Variants in XYLT1 observed in about 807,000 individuals in gnomAD.
XYLT1 encodes beta-D-xylosyltransferase 1.
A neutral mutation model predicts 91.3 loss-of-function variants in XYLT1; 36 were observed. The ratio of observed to expected loss-of-function variants is 0.39; its 90% CI spans 0.30 to 0.52. The LOEUF (loss-of-function observed/expected upper bound fraction) is 0.52. XYLT1 is among the 20% of genes least tolerant of loss of function. The pLI is 0.68. For missense variants in XYLT1, 1,242 were observed against 1,284.5 expected (o/e 0.97, Z 0.51); for synonymous variants, 588 against 532.0 (o/e 1.11, Z -1.45).
intron 2 of XYLT1, among the ~76,000 whole-genome samples, chr16:17,357,183 A>C (rs1391454108): frequency 9.5e-4 from 117 of 123,432 alleles, no homozygotes; most frequent in Middle Eastern, 4.2e-3. Context: ...AAAAAAAAAA[A>C]AAAAAAAAAA....
At chr16:17,367,377 C>A (rs1308663392) in intron 1 of XYLT1, among the ~76,000 whole-genome samples, 1 of 152,224 alleles carries the variant, frequency 6.6e-6, no homozygotes, top group Non-Finnish European at 1.5e-5. Context: ...GAACACACAT[C>A]CTCCTGGAGC....
chr16:17,456,220 A>G (rs1185827593), intron 1 of XYLT1, among the ~76,000 whole-genome samples: 1 of 151,390 alleles, frequency 6.6e-6, no homozygotes, highest in African/African-American at 2.4e-5. Flanking sequence ...TTTTTTTTAC[A>G]GGCAATAAGT....
intron 6 of XYLT1, among the ~76,000 whole-genome samples, chr16:17,141,912 T>C (rs1220856742): frequency 6.6e-6 from 1 of 152,202 alleles, no homozygotes; most frequent in Non-Finnish European, 1.5e-5. Context: ...TTTTAAAATT[T>C]TTATTTTTTG....
intron 2 of XYLT1, among the ~76,000 whole-genome samples, chr16:17,278,939 G>A (rs904654781): frequency 2.0e-5 from 3 of 152,166 alleles, no homozygotes; most frequent in Non-Finnish European, 4.4e-5. Context: ...GGCTGACTGT[G>A]AACATTTCCT....
chr16:17,129,177 A>G (rs938794746), intron 9 of XYLT1, among the ~76,000 whole-genome samples: 26 of 152,040 alleles, frequency 1.7e-4, no homozygotes, highest in Non-Finnish European at 3.2e-4. Flanking sequence ...GGGAGTGGAA[A>G]GTCCAGCGAC....
chr16:17,376,727 T>A (rs2035605792), intron 1 of XYLT1, among the ~76,000 whole-genome samples: 1 of 147,778 alleles, frequency 6.8e-6, no homozygotes, highest in Non-Finnish European at 1.5e-5. Context: ...CTTAGAAAGC[T>A]GAGGCAGGAG....
intron 2 of XYLT1, among the ~76,000 whole-genome samples, chr16:17,278,349 T>C (rs1411180414): frequency 6.6e-6 from 1 of 152,252 alleles, no homozygotes; most frequent in Non-Finnish European, 1.5e-5. Context: ...ACCTTGATAC[T>C]GAAGCCGGGC....
At chr16:17,143,003 G>C (rs8051207) in intron 6 of XYLT1, among the ~76,000 whole-genome samples, 138,178 of 152,172 alleles carry the variant, frequency 0.91, 62,846 homozygotes, top group East Asian at 0.96. Flanking sequence ...AACTCCTACT[G>C]TAGTAACTAT....
chr16:17,300,813 A>G (rs533425215), intron 2 of XYLT1, among the ~76,000 whole-genome samples: 77 of 152,186 alleles, frequency 5.1e-4, no homozygotes, highest in African/African-American at 1.8e-3. Context: ...AACCAGAACA[A>G]TCGATGAGCT....
chr16:17,177,633 A>T (rs2031974050), intron 5 of XYLT1, among the ~76,000 whole-genome samples: 1 of 152,220 alleles, frequency 6.6e-6, no homozygotes. Context: ...ATAGTTCATT[A>T]AAATGTATTT....
chr16:17,407,595 CTT>C (rs2036050712), intron 1 of XYLT1, among the ~76,000 whole-genome samples: 1 of 152,210 alleles, frequency 6.6e-6, no homozygotes, highest in South Asian at 2.1e-4. Context: ...CACTCAGTCT[CTT>C]TGTTTATTTC....
intron 1 of XYLT1, chr16:17,403,636 C>T (rs1339333572): frequency 2.0e-5 from 3 of 152,112 alleles, no homozygotes; most frequent in Admixed American, 1.3e-4. Context: ...GATTCAATAA[C>T]CTCCCACCGG....
chr16:17,428,035 G>C (rs762110103), intron 1 of XYLT1, among the ~76,000 whole-genome samples: 14 of 152,130 alleles, frequency 9.2e-5, no homozygotes, highest in Non-Finnish European at 1.5e-4. Context: ...CTGTCGCCCA[G>C]GCTGAAGTGC....
At chr16:17,294,854 T>C (rs2034286219) in intron 2 of XYLT1, among the ~76,000 whole-genome samples, 1 of 152,112 alleles carries the variant, frequency 6.6e-6, no homozygotes, top group African/African-American at 2.4e-5. Context: ...GGTGTAGGTA[T>C]ACAGCAGGTA....
At chr16:17,464,702 T>C (rs987594012) in intron 1 of XYLT1, among the ~76,000 whole-genome samples, 2 of 152,166 alleles carry the variant, frequency 1.3e-5, no homozygotes, top group Non-Finnish European at 2.9e-5. Flanking sequence ...ATAACTGCCA[T>C]GCAGTCATTA....
Position 17,346,760 on chromosome 16 carries a change from A to C in XYLT1, c.402+11252T>G, listed in dbSNP as rs114799730. 6.0e-3 allele frequency among the ~76,000 whole-genome samples: 906 copies of C among 152,268 alleles called. 5 individuals carry two copies. Among genetic ancestry groups the C allele is most frequent in the African/African-American group, 0.021 (857 of 41,546 alleles). ...CAAGAACTCTCTTTGAGCCCGTTTT[A>C]TAGCTGGAAGTTCCTTCTTCTAGCA... On this transcript the variant is annotated intron_variant, in intron 2 of 11. Coordinates refer to ENST00000261381, the MANE Select transcript of XYLT1 (RefSeq NM_022166.4).
intron 3 of XYLT1, among the ~76,000 whole-genome samples, chr16:17,246,971 T>G (rs1164380411): frequency 6.6e-6 from 1 of 152,078 alleles, no homozygotes; most frequent in Non-Finnish European, 1.5e-5. Context: ...CTTGGAGAGG[T>G]GCAGTGTGGG....
chr16:17,457,619 A>C (rs1418027156), intron 1 of XYLT1, among the ~76,000 whole-genome samples: 2 of 152,222 alleles, frequency 1.3e-5, no homozygotes, highest in Non-Finnish European at 2.9e-5. Flanking sequence ...TTTGAAAACT[A>C]TCCCTCAATA....
At chr16:17,249,303 G>A (rs573944727) in intron 3 of XYLT1, among the ~76,000 whole-genome samples, 3 of 152,282 alleles carry the variant, frequency 2.0e-5, no homozygotes, top group African/African-American at 7.2e-5. Context: ...TTTGCTTGGT[G>A]CACACAGGCC....
Sources: gnomAD v4.1 joint callset for allele counts (sites outside exome capture counted in the v4.1 genomes callset) on GRCh38, gnomAD v4.1.1 for gene constraint, MANE v1.5 for transcripts, NCBI Gene and HGNC (gene_info 2026-07-23, HGNC 2026-07-21) for gene names.